The following GADL1 variants were observed in gnomAD, a reference collection of about 807,000 sequenced individuals.
GADL1 encodes GAD like acidic amino acid decarboxylase 1, also known as acidic amino acid decarboxylase GADL1.
GADL1 carries 71 observed loss-of-function variants against 69.5 expected under a neutral mutation model. The ratio of observed to expected loss-of-function variants is 1.02; its 90% CI spans 0.84 to 1.25. The LOEUF (loss-of-function observed/expected upper bound fraction) is 1.25. GADL1 is among the 50% of genes most tolerant of loss of function. GADL1 has a pLI of 0.00. For missense variants in GADL1, 737 were observed against 631.8 expected, an observed-to-expected ratio of 1.17 and a Z score of -1.79; for synonymous variants, 254 against 214.4, an observed-to-expected ratio of 1.18 and a Z score of -1.62.
chr3:30,798,158 C>T (rs964338189), intron 12 of GADL1: 1 of 152,296 alleles, frequency 6.6e-6, no homozygotes, highest in African/African-American at 2.4e-5. Context: ...TCCTTAATGT[C>T]ACATCCAGAC....
At chr3:30,863,053 ACTCT>A (rs60151925) in intron 1 of GADL1, among the ~76,000 whole-genome samples, 48 of 149,180 alleles carry the variant, frequency 3.2e-4, no homozygotes, top group Admixed American at 1.7e-3. Flanking sequence ...ACACACACAC[ACTCT>A]CTCTCACACT....
chr3:30,746,583 G>T (rs1695706309), intron 14 of GADL1, among the ~76,000 whole-genome samples: 1 of 152,104 alleles, frequency 6.6e-6, no homozygotes, highest in Non-Finnish European at 1.5e-5. Flanking sequence ...CAGGTGATGG[G>T]GTGATAAGGT....
chr3:30,803,825 A>G (rs1454536566), intron 11 of GADL1, among the ~76,000 whole-genome samples: 2 of 152,240 alleles, frequency 1.3e-5, no homozygotes, highest in Non-Finnish European at 2.9e-5. Flanking sequence ...AACTAAGAGA[A>G]GATGCTCAGA....
At chr3:30,753,077 T>A (rs2125479207) in intron 14 of GADL1, among the ~76,000 whole-genome samples, 1 of 152,314 alleles carries the variant, frequency 6.6e-6, no homozygotes, top group African/African-American at 2.4e-5. Flanking sequence ...CAAAATGCTG[T>A]CACTGCCAAT....
chr3:30,824,598 A>C (rs1434054217), intron 11 of GADL1, among the ~76,000 whole-genome samples: 1 of 151,808 alleles, frequency 6.6e-6, no homozygotes, highest in Non-Finnish European at 1.5e-5. Context: ...GAATAGTATA[A>C]AAGAATGAAA....
chr3:30,877,427 T>G lies in GADL1; in HGVS notation c.38-15662A>C, dbSNP rs1698592495. Among the ~76,000 whole-genome samples, 4 of 152,036 alleles carry G rather than the reference T, an allele frequency of 2.6e-5. No individual in the cohort carries two copies. In the South Asian group the frequency reaches 6.2e-4, roughly 24 times the overall value. ...CCATCAACTTGAAAAATAAGGCCAC[T>G]GACTAATATTAGGGAATCCAATTTT... On this transcript the variant is annotated intron_variant, in intron 1 of 14. Coordinates refer to ENST00000282538, the MANE Select transcript of GADL1 (RefSeq NM_207359.3).
intron 1 of GADL1, among the ~76,000 whole-genome samples, chr3:30,881,583 G>A (rs1302973748): frequency 6.6e-6 from 1 of 151,764 alleles, no homozygotes; most frequent in Non-Finnish European, 1.5e-5. Flanking sequence ...AAAGATATAA[G>A]AACTCAAGAA....
At chr3:30,773,419 C>T (rs1696463230) in intron 14 of GADL1, among the ~76,000 whole-genome samples, 1 of 138,234 alleles carries the variant, frequency 7.2e-6, no homozygotes. Flanking sequence ...CTTATTTTCA[C>T]AAACATACAT....
At chr3:30,894,431 A>C (rs1698829596) in intron 1 of GADL1, 147 bp downstream of exon 1, 1 of 565,016 alleles carries the variant, frequency 1.8e-6, no homozygotes, top group Non-Finnish European at 3.1e-6. Context: ...AACGGAGAAA[A>C]AATCCATGAA....
intron 12 of GADL1, chr3:30,798,897 A>AG (rs1457161133): frequency 1.3e-5 from 2 of 149,942 alleles, no homozygotes; most frequent in Admixed American, 1.5e-4. Context: ...CCAGCAGGGC[A>AG]GTCAAATTCT....
At chr3:30,797,678 T>TG (rs924725640) in intron 12 of GADL1, 2 of 151,672 alleles carry the variant, frequency 1.3e-5, no homozygotes, top group African/African-American at 4.8e-5. Flanking sequence ...TTGTTTTTTT[T>TG]TTGTTTTTTA....
At chr3:30,884,208 A>T (rs1698676621) in intron 1 of GADL1, among the ~76,000 whole-genome samples, 1 of 152,040 alleles carries the variant, frequency 6.6e-6, no homozygotes, top group Non-Finnish European at 1.5e-5. Flanking sequence ...ATCAGACAAC[A>T]TTAAGTAGAA....
chr3:30,728,257 C>G lies in GADL1; in HGVS notation c.1551G>C (p.Leu517=). 1 of 1,613,710 alleles carries G rather than the reference C, an allele frequency of 6.2e-7. No homozygotes were observed. Among genetic ancestry groups the G allele is most frequent in the Non-Finnish European group, 8.5e-7 (1 of 1,179,708 alleles). The change falls in exon 15 of 15, where the codon CTG becomes CTC. Residue 517 remains leucine, a synonymous_variant. Coordinates refer to ENST00000282538, the MANE Select transcript of GADL1 (RefSeq NM_207359.3). ...MDFLLDEIDL[L]GKDM ...AAAGCCACAGCTACATGTCTTTACC[C>G]AGTAAGTCTATCTCATCCAGGAGGA... is the stretch of plus-strand genomic sequence containing the variant.
rs1229810873 is a variant in GADL1 at position 30,791,430 on chromosome 3, A to C, written c.1251-5024T>G. Among the ~76,000 whole-genome samples the C allele has an allele frequency of 3.9e-5, 6 of 152,172 alleles. No individual in the cohort carries two copies. In the East Asian group the frequency reaches 9.6e-4, roughly 24 times the overall value. ...CTAGGCAAATTCCTAAGCCTTCCTG[A>C]GCCTGCCTCCACTTCCTCATGCACG... On this transcript the variant is annotated intron_variant, in intron 12 of 14. Transcript: ENST00000282538.
intron 14 of GADL1, among the ~76,000 whole-genome samples, chr3:30,730,224 T>C (rs1472395013): frequency 6.6e-6 from 1 of 152,168 alleles, no homozygotes; most frequent in African/African-American, 2.4e-5. Context: ...TATGCATTGG[T>C]TGAGTTTTCT....
intron 14 of GADL1, among the ~76,000 whole-genome samples, chr3:30,766,677 T>C (rs942963744): frequency 6.6e-6 from 1 of 152,136 alleles, no homozygotes; most frequent in Non-Finnish European, 1.5e-5. Flanking sequence ...CCAGTGTGTT[T>C]TTGATGACAG....
At chr3:30,882,501 A>T (rs1698656812) in intron 1 of GADL1, among the ~76,000 whole-genome samples, 1 of 151,808 alleles carries the variant, frequency 6.6e-6, no homozygotes, top group Non-Finnish European at 1.5e-5. Context: ...GCACTGACAG[A>T]ATTTCCTCCC....
chr3:30,791,097 G>A (rs1192595518), intron 12 of GADL1, among the ~76,000 whole-genome samples: 6 of 151,836 alleles, frequency 4.0e-5, no homozygotes, highest in Non-Finnish European at 8.8e-5. Flanking sequence ...ATGCAATGAG[G>A]GTGTGTGGTT....
chr3:30,765,226 C>A (rs963733686), intron 14 of GADL1, among the ~76,000 whole-genome samples: 2 of 152,148 alleles, frequency 1.3e-5, no homozygotes, highest in African/African-American at 4.8e-5. Flanking sequence ...CCACATGGAT[C>A]ACCACTCATA....
Sources: allele counts gnomAD v4.1 joint callset (sites outside exome capture counted in the v4.1 genomes callset), GRCh38; gene constraint gnomAD v4.1.1; transcripts MANE v1.5; gene names NCBI Gene and HGNC (gene_info 2026-07-23, HGNC 2026-07-21).